Variants in SLC4A7 observed in about 807,000 individuals in gnomAD.
SLC4A7 encodes the protein sodium bicarbonate cotransporter 3.
Under a neutral mutation model 137.6 loss-of-function variants are expected in SLC4A7, and 51 were observed. The ratio of observed to expected loss-of-function variants is 0.37; its 90% CI spans 0.30 to 0.47. SLC4A7 has a LOEUF of 0.47. Among genes scored for constraint, SLC4A7 ranks in the 20% least tolerant of loss-of-function variants. SLC4A7 has a pLI of 1.00. For synonymous variants in SLC4A7, 542 were observed against 518.6 expected (o/e 1.05, Z -0.61); for missense variants, 1,247 against 1,525.4 (o/e 0.82, Z 3.04).
At chr3:27,395,172 T>C in intron 18 of SLC4A7, 57 bp from the exon 19 acceptor site, 2 of 1,270,350 alleles carry the variant, frequency 1.6e-6, no homozygotes, top group Non-Finnish European at 2.2e-6. Context: ...TGCACTAAAT[T>C]TCCATAACAT....
chr3:27,459,168 A>G (rs1271625490), intron 1 of SLC4A7, among the ~76,000 whole-genome samples: 1 of 152,106 alleles, frequency 6.6e-6, no homozygotes, highest in Non-Finnish European at 1.5e-5. Context: ...TTTGAGTGGG[A>G]CGAAGGGAAG....
intron 2 of SLC4A7, among the ~76,000 whole-genome samples, chr3:27,449,444 G>GA (rs36125399): frequency 7.6e-5 from 11 of 145,046 alleles, no homozygotes; most frequent in East Asian, 5.9e-4. Flanking sequence ...TTTGAGTTTT[G>GA]AAAAAAAAAT....
intron 1 of SLC4A7, among the ~76,000 whole-genome samples, chr3:27,467,152 T>A (rs1328233032): frequency 2.0e-5 from 3 of 152,152 alleles, no homozygotes; most frequent in African/African-American, 7.2e-5. Context: ...TAAAATCATG[T>A]CCCACTTCCA....
chr3:27,421,772 A>C lies in SLC4A7; in HGVS notation c.1274T>G (p.Met425Arg), dbSNP rs937442498. ...CGTAGGAATTTTTCTCATGAAATTC[A>C]TATCAACCTATTGACAAATAAATAA... ...NSTVDFSKVD[M>R]NFMRKIPTGA... Residue 425 changes from methionine to arginine, a missense_variant, in exon 9 of 26, where the codon ATG becomes AGG. Transcript: ENST00000454389. 3 of 1,609,252 alleles carry C rather than the reference A, an allele frequency of 1.9e-6. No individual in the cohort carries two copies. Among genetic ancestry groups the C allele is most frequent in the African/African-American group, 2.7e-5 (2 of 74,838 alleles).
At chr3:27,407,176 T>C (rs933330763) in intron 13 of SLC4A7, among the ~76,000 whole-genome samples, 1 of 151,472 alleles carries the variant, frequency 6.6e-6, no homozygotes, top group Admixed American at 6.6e-5. Flanking sequence ...TTACCTGTCT[T>C]TTCCCCTAAA....
At chr3:27,463,995 G>A (rs949798121) in intron 1 of SLC4A7, among the ~76,000 whole-genome samples, 1 of 151,964 alleles carries the variant, frequency 6.6e-6, no homozygotes, top group Non-Finnish European at 1.5e-5. Context: ...GACCATCCTG[G>A]GCAACATAGT....
At chr3:27,386,969 C>G (rs1181139778) in intron 22 of SLC4A7, among the ~76,000 whole-genome samples, 1 of 152,122 alleles carries the variant, frequency 6.6e-6, no homozygotes. Flanking sequence ...AGAAATACTA[C>G]CTTTAATGAA....
intron 1 of SLC4A7, among the ~76,000 whole-genome samples, chr3:27,478,717 G>A (rs1476342310): frequency 2.0e-5 from 3 of 151,726 alleles, no homozygotes; most frequent in Non-Finnish European, 4.4e-5. Flanking sequence ...GCCAGGCACA[G>A]TGGCTCCTGC....
chr3:27,449,649 T>C (rs920254705), intron 2 of SLC4A7, among the ~76,000 whole-genome samples: 1 of 152,118 alleles, frequency 6.6e-6, no homozygotes, highest in African/African-American at 2.4e-5. Flanking sequence ...AAAATAGTTA[T>C]GAAAGGCAGT....
chr3:27,463,415 G>A (rs1462554639), intron 1 of SLC4A7, among the ~76,000 whole-genome samples: 1 of 151,610 alleles, frequency 6.6e-6, no homozygotes, highest in Non-Finnish European at 1.5e-5. Flanking sequence ...CGGCGACAGA[G>A]CGAGACTCCG....
chr3:27,459,988 T>C (rs9872944), intron 1 of SLC4A7, among the ~76,000 whole-genome samples: 18,557 of 102,636 alleles, frequency 0.18, 1,153 homozygotes, highest in Middle Eastern at 0.24. Flanking sequence ...TATATATATA[T>C]ATACACACAC....
intron 7 of SLC4A7, among the ~76,000 whole-genome samples, chr3:27,428,704 C>T (rs1166874921): frequency 1.3e-5 from 2 of 152,164 alleles, no homozygotes; most frequent in African/African-American, 4.8e-5. Flanking sequence ...GTCCATCTAA[C>T]TTACCCATAT....
chr3:27,409,674 G>A (rs896441518), intron 12 of SLC4A7, 144 bp from the exon 13 acceptor site: 1 of 583,148 alleles, frequency 1.7e-6, no homozygotes, highest in Non-Finnish European at 3.0e-6. Flanking sequence ...ATAAATTACA[G>A]AAGATACACT....
intron 1 of SLC4A7, among the ~76,000 whole-genome samples, chr3:27,483,858 T>A (rs1024557483): frequency 3.9e-4 from 59 of 150,594 alleles, no homozygotes; most frequent in African/African-American, 1.4e-3. Context: ...GACTCGGGCC[T>A]CCCGAGCGCA....
At chr3:27,427,927 AG>A (rs2055825923) in intron 7 of SLC4A7, among the ~76,000 whole-genome samples, 1 of 152,212 alleles carries the variant, frequency 6.6e-6, no homozygotes, top group Non-Finnish European at 1.5e-5. Context: ...CGGCCTAAGA[AG>A]CCAATGTGAA....
chr3:27,410,515 A>G (rs1190376516), intron 12 of SLC4A7, among the ~76,000 whole-genome samples: 1 of 152,228 alleles, frequency 6.6e-6, no homozygotes, highest in Non-Finnish European at 1.5e-5. Flanking sequence ...CTAAACACAA[A>G]TTGACAAGTA....
intron 1 of SLC4A7, among the ~76,000 whole-genome samples, chr3:27,474,494 G>A (rs967353450): frequency 3.9e-5 from 6 of 151,950 alleles, no homozygotes; most frequent in African/African-American, 1.5e-4. Flanking sequence ...GGCAGATCAC[G>A]AGGTCAGGAG....
intron 1 of SLC4A7, among the ~76,000 whole-genome samples, chr3:27,482,753 C>A (rs558179318): frequency 6.6e-6 from 1 of 152,092 alleles, no homozygotes; most frequent in Admixed American, 6.6e-5. Flanking sequence ...GCCTGGGCGA[C>A]AGAGCGAGAC....
Position 27,473,705 on chromosome 3 carries a change from C to CAA in SLC4A7, c.60+10360_60+10361dup, listed in dbSNP as rs747183440. Reference sequence around the variant, plus strand: ...TGGGTGACAGAGTGAGACCTCATGTCAAAAAAAAAAAAAAAAAAAAAAAGG... The same window carrying CAA: ...TGGGTGACAGAGTGAGACCTCATGTCAAAAAAAAAAAAAAAAAAAAAAAAAGG... On this transcript the variant is annotated intron_variant, in intron 1 of 25. Coordinates refer to ENST00000454389, the MANE Select transcript of SLC4A7 (RefSeq NM_001321103.2). Among the ~76,000 whole-genome samples the CAA allele has an allele frequency of 2.6e-3, 154 of 59,390 alleles. 2 individuals are homozygous for CAA. Among genetic ancestry groups the CAA allele is most frequent in the Middle Eastern group, 0.02 (1 of 50 alleles). 39.0% of individuals were successfully genotyped at this position (59,390 alleles called of 152,430 possible).
Sources: allele counts gnomAD v4.1 joint callset (sites outside exome capture counted in the v4.1 genomes callset), GRCh38; gene constraint gnomAD v4.1.1; transcripts MANE v1.5; gene names NCBI Gene and HGNC (gene_info 2026-07-23, HGNC 2026-07-21).